FARS2: variants seen among roughly 807,000 people sequenced by gnomAD.
FARS2 encodes phenylalanine--tRNA ligase, mitochondrial.
Under a neutral mutation model 46.4 loss-of-function variants are expected in FARS2, and 40 were observed. The ratio of observed to expected loss-of-function variants is 0.86; its 90% confidence interval spans 0.67 to 1.12. FARS2 has a LOEUF of 1.12. Among genes scored for constraint, FARS2 ranks in the 50% most tolerant of loss-of-function variants. The probability of loss-of-function intolerance (pLI) is 0.00; values close to 1 mark genes in which losing one functional copy is unlikely to be tolerated. For synonymous variants in FARS2, 234 were observed against 214.9 expected (o/e 1.09, Z -0.78); for missense variants, 513 against 567.9 (o/e 0.90, Z 0.98).
intron 3 of FARS2, among the ~76,000 whole-genome samples, chr6:5,428,847 A>C (rs376987228): frequency 1.3e-5 from 2 of 152,236 alleles, no homozygotes; most frequent in Non-Finnish European, 1.5e-5. Flanking sequence ...GCCTGCAACA[A>C]GACCAGCTTT....
chr6:5,715,916 G>C (rs376840751), intron 6 of FARS2, among the ~76,000 whole-genome samples: 2 of 152,306 alleles, frequency 1.3e-5, no homozygotes, highest in South Asian at 2.1e-4. Flanking sequence ...CCACACTGTT[G>C]TATATTTGTA....
At chr6:5,616,801 T>A (rs1235101275) in intron 6 of FARS2, among the ~76,000 whole-genome samples, 3 of 152,176 alleles carry the variant, frequency 2.0e-5, no homozygotes, top group African/African-American at 7.2e-5. Flanking sequence ...AGTCCCTTAC[T>A]TTCTGATATG....
chr6:5,478,911 T>A (rs1227167622), intron 4 of FARS2, among the ~76,000 whole-genome samples: 1 of 152,198 alleles, frequency 6.6e-6, no homozygotes, highest in African/African-American at 2.4e-5. Flanking sequence ...GAGCCCCAAA[T>A]ACTTGCTGAA....
At chr6:5,589,071 T>C (rs758477247) in intron 5 of FARS2, among the ~76,000 whole-genome samples, 3 of 152,110 alleles carry the variant, frequency 2.0e-5, no homozygotes, top group Non-Finnish European at 2.9e-5. Flanking sequence ...CGGTGATGGG[T>C]GTGTTTCTCA....
chr6:5,593,298 C>A (rs757278677), intron 5 of FARS2, among the ~76,000 whole-genome samples: 4 of 146,518 alleles, frequency 2.7e-5, no homozygotes, highest in Non-Finnish European at 5.9e-5. Context: ...CACCTCCCGC[C>A]CCCACCGGCC....
At chr6:5,708,814 C>T (rs576547765) in intron 6 of FARS2, among the ~76,000 whole-genome samples, 7 of 152,300 alleles carry the variant, frequency 4.6e-5, no homozygotes, top group African/African-American at 1.4e-4. Flanking sequence ...GCATACACCA[C>T]CACACCCAGC....
chr6:5,733,192 T>C (rs372644838), intron 6 of FARS2, among the ~76,000 whole-genome samples: 31 of 152,302 alleles, frequency 2.0e-4, no homozygotes, highest in African/African-American at 7.5e-4. Context: ...CTGTATAGAA[T>C]TAAAAACTTC....
rs56248218 is a variant in FARS2, at chr6:5,578,808, CAA to C, written c.1065+33492_1065+33493del. On this transcript the variant is annotated intron_variant, in intron 5 of 6. Transcript: ENST00000274680. ...TGGAAGACAGAGCGGCACTCCGTCTCAAAAAAAAAAAAAAAAAAAAAAAAACA... is the reference window on the plus strand; with the variant it reads ...TGGAAGACAGAGCGGCACTCCGTCTCAAAAAAAAAAAAAAAAAAAAAAACA... Among the ~76,000 whole-genome samples the C allele has an allele frequency of 3.4e-3, 418 of 124,336 alleles. 8 individuals are homozygous for C. Among genetic ancestry groups the C allele is most frequent in the African/African-American group, 9.8e-3 (308 of 31,376 alleles). 81.6% of individuals were successfully genotyped at this position (124,336 alleles called of 152,430 possible).
intron 1 of FARS2, among the ~76,000 whole-genome samples, chr6:5,318,398 A>AACC: frequency 1.1e-5 from 1 of 93,090 alleles, no homozygotes. Flanking sequence ...AAAAAAAAAA[A>AACC]AAAAAAAAAC....
rs114453261 is a variant in FARS2, at chr6:5,325,883, A to G, written c.-21-42667A>G. 3.9e-3 allele frequency among the ~76,000 whole-genome samples: 601 copies of G among 152,330 alleles called. 2 individuals carry two copies. Among genetic ancestry groups the G allele is most frequent in the African/African-American group, 0.014 (580 of 41,572 alleles). On this transcript the variant is annotated intron_variant, in intron 1 of 6. Coordinates refer to ENST00000274680, the MANE Select transcript of FARS2 (RefSeq NM_006567.5). ...TACCAAAGTTGAATAAAAAAATTTT[A>G]AGCATCACTAATATTATAAATAAAT...
At chr6:5,272,515 CT>C (rs913276732) in intron 1 of FARS2, 2 of 151,794 alleles carry the variant, frequency 1.3e-5, no homozygotes, top group African/African-American at 4.8e-5. Flanking sequence ...GTCTCAGATT[CT>C]TTTATTTATT....
At chr6:5,444,263 TCGC>T (rs1764015569) in intron 4 of FARS2, among the ~76,000 whole-genome samples, 1 of 152,018 alleles carries the variant, frequency 6.6e-6, no homozygotes, top group Non-Finnish European at 1.5e-5. Flanking sequence ...GGTCAGGAGT[TCGC>T]GACCAGCCTG....
At chr6:5,263,501 A>G (rs1765338753) in intron 1 of FARS2, among the ~76,000 whole-genome samples, 1 of 152,198 alleles carries the variant, frequency 6.6e-6, no homozygotes, top group South Asian at 2.1e-4. Flanking sequence ...ACTTTTGCAC[A>G]TCTTCATTGC....
chr6:5,703,886 T>A (rs1233455869), intron 6 of FARS2, among the ~76,000 whole-genome samples: 3 of 152,170 alleles, frequency 2.0e-5, no homozygotes, highest in African/African-American at 7.2e-5. Flanking sequence ...CTTAGGATCC[T>A]CCAACCTCTT....
intron 2 of FARS2, among the ~76,000 whole-genome samples, chr6:5,386,269 G>A (rs1241972816): frequency 6.6e-6 from 1 of 152,144 alleles, no homozygotes; most frequent in African/African-American, 2.4e-5. Flanking sequence ...TGAAGGTGAC[G>A]AGTCCCCGGA....
intron 6 of FARS2, among the ~76,000 whole-genome samples, chr6:5,690,331 A>G (rs549760392): frequency 0.039 from 5,997 of 152,026 alleles, 151 homozygotes; most frequent in African/African-American, 0.067. Context: ...TGCAGTGGCT[A>G]GTACTGGTTG....
At chr6:5,391,307 A>G (rs1367988129) in intron 2 of FARS2, among the ~76,000 whole-genome samples, 1 of 152,176 alleles carries the variant, frequency 6.6e-6, no homozygotes, top group Non-Finnish European at 1.5e-5. Flanking sequence ...AACCTCACTA[A>G]GCCTCAGGGT....
chr6:5,364,746 C>T (rs1298761636), intron 1 of FARS2, among the ~76,000 whole-genome samples: 3 of 152,154 alleles, frequency 2.0e-5, no homozygotes, highest in Non-Finnish European at 4.4e-5. Flanking sequence ...TAAAAACAGA[C>T]TATGGGCAAG....
At chr6:5,507,559 T>G (rs1043641538) in intron 4 of FARS2, among the ~76,000 whole-genome samples, 2 of 152,188 alleles carry the variant, frequency 1.3e-5, no homozygotes, top group Non-Finnish European at 2.9e-5. Flanking sequence ...ATTGGCAGGC[T>G]GGGGTGGAAG....
Sources: gnomAD v4.1 joint callset for allele counts (sites outside exome capture counted in the v4.1 genomes callset) on GRCh38, gnomAD v4.1.1 for gene constraint, MANE v1.5 for transcripts, NCBI Gene and HGNC (gene_info 2026-07-23, HGNC 2026-07-21) for gene names.